The following ROBO3 variants were observed in gnomAD, a reference collection of about 807,000 sequenced individuals.
ROBO3 encodes roundabout guidance receptor 3.
ROBO3 carries 97 observed loss-of-function variants against 160.5 expected under a neutral mutation model. That is an observed-to-expected ratio of 0.60 (90% CI 0.51 to 0.72). ROBO3 has a LOEUF of 0.72. Among genes scored for constraint, ROBO3 ranks in the 30% least tolerant of loss-of-function variants. The probability of loss-of-function intolerance (pLI) is 0.00; values close to 1 mark genes in which losing one functional copy is unlikely to be tolerated. For missense variants in ROBO3, 1,858 were observed against 1,846.5 expected, an observed-to-expected ratio of 1.01 and a Z score of -0.11; for synonymous variants, 780 against 746.2, an observed-to-expected ratio of 1.05 and a Z score of -0.74.
Position 124,873,180 on chromosome 11 carries a change from C to T in ROBO3, c.1536+91C>T. Reference sequence around the variant, plus strand: ...TAAGTACTCACTGGGCCTGTAGCCCCATCTTTACCCCTCTGTTCTCTCAGA... The same window carrying T: ...TAAGTACTCACTGGGCCTGTAGCCCTATCTTTACCCCTCTGTTCTCTCAGA... On this transcript the variant is annotated intron_variant, in intron 9 of 27. Coordinates refer to ENST00000397801, the MANE Select transcript of ROBO3 (RefSeq NM_022370.4). The surrounding 1 kb of genome is among the most constrained non-coding windows in gnomAD (Gnocchi z 4.5). 6.9e-7 allele frequency: 1 copy of T among 1,438,970 alleles called. No individual in the cohort carries two copies. The highest frequency in any genetic ancestry group is 9.6e-7 in the Non-Finnish European group (1 of 1,040,410). The allele number at this position is 1,438,970 out of a possible 1,614,324, so 89.1% of individuals were successfully genotyped here.
rs757617385 is a variant in ROBO3 at position 124,870,295 on chromosome 11, C to G, written c.897C>G (p.Pro299=). 47 of 1,613,628 alleles carry G rather than the reference C, an allele frequency of 2.9e-5. 2 individuals are homozygous for G. In the South Asian group the frequency reaches 4.6e-4, roughly 16 times the overall value. Residue 299 remains proline (P), a synonymous_variant, in exon 5 of 28, where the codon CCC becomes CCG. Transcript: ENST00000397801. ...GGCGCAAGGAGGATGGGGAACTGCC[C>G]ACAGGCAGGTGAGAGACCCCCTTCT... ...LRWRKEDGEL[P]TGRYEIRSDH... is the part of the protein sequence containing the mutation.
At position 124,869,432 on chromosome 11, in the gene ROBO3, C is replaced by CG; in HGVS notation, c.488-18_488-17insG. 7.8e-7 allele frequency: 1 copy of CG among 1,289,340 alleles called. No homozygotes were observed. The highest frequency in any genetic ancestry group is 1.1e-6 in the Non-Finnish European group (1 of 911,662). 79.9% of individuals were successfully genotyped at this position (1,289,340 alleles called of 1,614,324 possible). ...CACTCTACACCCTGCTTATTTCGCCCCCCACCGCCCCGCCCAGTCCTCCGT... is the reference window on the plus strand; with the variant it reads ...CACTCTACACCCTGCTTATTTCGCCCGCCCACCGCCCCGCCCAGTCCTCCGT... On this transcript the variant is annotated splice_polypyrimidine_tract_variant and intron_variant, in intron 2 of 27. Coordinates refer to ENST00000397801, the MANE Select transcript of ROBO3 (RefSeq NM_022370.4). The surrounding 1 kb of genome is among the most constrained non-coding windows in gnomAD (Gnocchi z 4.2).
At chr11:124,866,299 C>A (rs1393189213) in intron 1 of ROBO3, among the ~76,000 whole-genome samples, 1 of 152,210 alleles carries the variant, frequency 6.6e-6, no homozygotes, top group Non-Finnish European at 1.5e-5. Context: ...AGCCGGCCCA[C>A]CCCGGCAGAG....
chr11:124,875,349 A>G lies in ROBO3; in HGVS notation c.2299+13A>G, dbSNP rs374910669. On this transcript the variant is annotated intron_variant, in intron 14 of 27. Coordinates refer to ENST00000397801, the MANE Select transcript of ROBO3 (RefSeq NM_022370.4). ...ATTCCTGAGGAGGGTAAGGAGGGCC[A>G]CCGAACAGATGGATGGACAAGAGGG... 3.3e-5 allele frequency: 46 copies of G among 1,381,874 alleles called. No individual in the cohort carries two copies. The highest frequency in any genetic ancestry group is 4.2e-5 in the Non-Finnish European group (43 of 1,027,252). 85.6% of individuals were successfully genotyped at this position (1,381,874 alleles called of 1,614,324 possible).
rs939299580 is a variant in ROBO3 at position 124,869,155 on chromosome 11, TTGC to T, written c.487+29_487+31del. 2 of 1,514,522 alleles carry T rather than the reference TTGC, an allele frequency of 1.3e-6. No homozygotes were observed. Among genetic ancestry groups the T allele is most frequent in the African/African-American group, 2.8e-5 (2 of 72,616 alleles). The allele number at this position is 1,514,522 out of a possible 1,614,324, so 93.8% of individuals were successfully genotyped here. The stretch of plus-strand genomic sequence containing the variant: ...TGAGAGTCAGTTGACCGTCAGCTGG[TTGC>T]TTCCAGAGCCTGGGGTAGGCGGGAG... On this transcript the variant is annotated intron_variant, in intron 2 of 27. Transcript: ENST00000397801. This position sits in a 1 kb window ranked among gnomAD's most constrained non-coding sequence, Gnocchi z 4.2.
In ROBO3 at chr11:124,878,178, C is replaced by A. The variant is rs1946452303; in HGVS notation, c.3181+47C>A. On this transcript the variant is annotated intron_variant, in intron 21 of 27. Coordinates refer to ENST00000397801, the MANE Select transcript of ROBO3 (RefSeq NM_022370.4). The surrounding 1 kb of genome is among the most constrained non-coding windows in gnomAD (Gnocchi z 4.3). Reference sequence around the variant, plus strand: ...CCCCGTTTAGCCCTGACCAGGGTATCCCCAAAGAGGATCCTCCTCCCTGAC... The same window carrying A: ...CCCCGTTTAGCCCTGACCAGGGTATACCCAAAGAGGATCCTCCTCCCTGAC... 1.3e-6 allele frequency: 2 copies of A among 1,569,352 alleles called. No homozygotes were observed. The highest frequency in any genetic ancestry group is 1.8e-5 in the Admixed American group (1 of 56,472).
chr11:124,870,882 AGGCCGG>A, intron 6 of ROBO3, 126 bp from the exon 7 acceptor site: 1 of 1,515,546 alleles, frequency 6.6e-7, no homozygotes, highest in East Asian at 2.3e-5. Flanking sequence ...AACACTAAAC[AGGCCGG>A]GAGGAAGAGA....
chr11:124,866,928 G>A lies in ROBO3; in HGVS notation c.160+1191G>A, dbSNP rs545211337. Among the ~76,000 whole-genome samples the A allele has an allele frequency of 3.3e-5, 5 of 152,242 alleles. No homozygotes were observed. In the East Asian group the frequency reaches 9.7e-4, roughly 29 times the overall value. ...GTTAAGCACAGATCCCTTCTCGCTG[G>A]CACCCCGCAGAGTCCCGCTTCTGCT... On this transcript the variant is annotated intron_variant, in intron 1 of 27. Coordinates refer to ENST00000397801, the MANE Select transcript of ROBO3 (RefSeq NM_022370.4).
intron 23 of ROBO3, 119 bp from the exon 24 acceptor site, chr11:124,879,071 G>A (rs529470670): frequency 2.6e-5 from 32 of 1,214,276 alleles, no homozygotes; most frequent in South Asian, 6.1e-5. Flanking sequence ...GAGGACTTAC[G>A]GGCGGACGGG....
At position 124,878,376 on chromosome 11, in the gene ROBO3, C is replaced by T. The variant is rs1373432424; in HGVS notation, c.3260C>T (p.Pro1087Leu). 6 of 1,613,864 alleles carry T rather than the reference C, an allele frequency of 3.7e-6. No homozygotes were observed. Among genetic ancestry groups the T allele is most frequent in the Non-Finnish European group, 5.1e-6 (6 of 1,179,888 alleles). Residue 1087 changes from proline (P) to leucine (L), a missense_variant, in exon 22 of 28, where the codon CCA becomes CTA. Pro to Leu is a moderately conservative substitution (Grantham distance 98). Coordinates refer to ENST00000397801, the MANE Select transcript of ROBO3 (RefSeq NM_022370.4). This position sits in a 1 kb window ranked among gnomAD's most constrained non-coding sequence, Gnocchi z 4.3. ...CTGAACTGGCCAGAAGCCCTGCCCC[C>T]ACCTCCTCCTTCTTGTGAACTGAGC... is the stretch of plus-strand genomic sequence containing the variant. ...PSLNWPEALP[P>L]PPPSCELSCL...
At chr11:124,866,081 G>A (rs112062328) in intron 1 of ROBO3, among the ~76,000 whole-genome samples, 28 of 152,340 alleles carry the variant, frequency 1.8e-4, no homozygotes, top group African/African-American at 5.8e-4. Context: ...GAGGGCAGAG[G>A]AGGGGGCACA....
chr11:124,870,743 T>C lies in ROBO3; in HGVS notation c.1033+15T>C. On this transcript the variant is annotated intron_variant, in intron 6 of 27. Transcript: ENST00000397801. ...CAGTGTTCACGGTGAGGGCTGTACT[T>C]GGGACTGCCTGCAGCAGGAATGGTA... 4 of 1,607,748 alleles carry C rather than the reference T, an allele frequency of 2.5e-6. No homozygotes were observed. Among genetic ancestry groups the C allele is most frequent in the Non-Finnish European group, 3.4e-6 (4 of 1,177,162 alleles).
Position 124,872,682 on chromosome 11 carries a change from G to C in ROBO3, c.1330+130G>C. 8 of 1,090,512 alleles carry C rather than the reference G, an allele frequency of 7.3e-6. No homozygotes were observed. Among genetic ancestry groups the C allele is most frequent in the Non-Finnish European group, 1.0e-5 (8 of 778,764 alleles). The allele number at this position is 1,090,512 out of a possible 1,614,324, so 67.6% of individuals were successfully genotyped here. ...AGATGTGTTCCTGAGGCATGACCTT[G>C]AAGTTTGGAAACCAGCAGCAGAAGC... On this transcript the variant is annotated intron_variant, in intron 8 of 27. Coordinates refer to ENST00000397801, the MANE Select transcript of ROBO3 (RefSeq NM_022370.4). The surrounding 1 kb of genome is among the most constrained non-coding windows in gnomAD (Gnocchi z 4.3).
At chr11:124,875,456 G>A in intron 14 of ROBO3, 108 bp from the exon 15 acceptor site, 1 of 1,578,638 alleles carries the variant, frequency 6.3e-7, no homozygotes, top group South Asian at 1.1e-5. Context: ...AGGAGGAATG[G>A]CTCTCAGTTC....
chr11:124,875,976 GCCGCTTTCACCT>G lies in ROBO3; in HGVS notation c.2446_2457del (p.Arg816_Leu819del). On this transcript the variant is annotated inframe_deletion, in exon 16 of 28. Coordinates refer to ENST00000397801, the MANE Select transcript of ROBO3 (RefSeq NM_022370.4). ...TAGATCTGGTGCCTGGGCAATGAGA[GCCGCTTTCACCT>G]CAATCGATCTGCAGCAGGCTGGGCA... The G allele has an allele frequency of 6.3e-7, 1 of 1,599,644 alleles. No individual in the cohort carries two copies. Among genetic ancestry groups the G allele is most frequent in the Non-Finnish European group, 8.5e-7 (1 of 1,173,324 alleles).
chr11:124,866,569 G>A (rs1163394654), intron 1 of ROBO3, among the ~76,000 whole-genome samples: 1 of 152,234 alleles, frequency 6.6e-6, no homozygotes, highest in African/African-American at 2.4e-5. Context: ...GTCTAGTGAC[G>A]AGCACTGTGC....
At chr11:124,875,822 A>G in intron 15 of ROBO3, 132 bp from the exon 16 acceptor site, 2 of 1,432,546 alleles carry the variant, frequency 1.4e-6, no homozygotes, top group Non-Finnish European at 1.9e-6. Flanking sequence ...GGGAGAAGAG[A>G]GAGGTTTCCA....
At chr11:124,868,000 C>A (rs1946224120) in intron 1 of ROBO3, among the ~76,000 whole-genome samples, 1 of 152,110 alleles carries the variant, frequency 6.6e-6, no homozygotes, top group African/African-American at 2.4e-5. Flanking sequence ...AGTCTGCAGG[C>A]CAAGTGACAG....
At chr11:124,880,313 T>C in intron 26 of ROBO3, 105 bp from the exon 27 acceptor site, 1 of 1,511,992 alleles carries the variant, frequency 6.6e-7, no homozygotes, top group Middle Eastern at 2.4e-4. Context: ...GTGCCTGCCC[T>C]TCATCTTCTT....
Sources: allele counts gnomAD v4.1 joint callset (sites outside exome capture counted in the v4.1 genomes callset), GRCh38; gene constraint gnomAD v4.1.1; non-coding constraint Gnocchi (gnomAD v3.1); transcripts MANE v1.5; gene names NCBI Gene and HGNC (gene_info 2026-07-23, HGNC 2026-07-21).